PCNX1: variants seen among roughly 807,000 people sequenced by gnomAD.
The protein encoded by PCNX1 is pecanex-like protein 1.
Under a neutral mutation model 242.2 loss-of-function variants are expected in PCNX1, and 78 were observed. That is an observed-to-expected ratio of 0.32 (90% CI 0.27 to 0.39). The LOEUF is 0.39. Among genes scored for constraint, PCNX1 ranks in the 10% least tolerant of loss-of-function variants. The probability of loss-of-function intolerance (pLI) is 1.00; values close to 1 mark genes in which losing one functional copy is unlikely to be tolerated. For synonymous variants in PCNX1, 1,024 were observed against 1,032.9 expected (o/e 0.99, Z 0.17); for missense variants, 2,581 against 2,856.5 (o/e 0.90, Z 2.20).
intron 3 of PCNX1, among the ~76,000 whole-genome samples, chr14:70,963,479 A>C (rs2140488584): frequency 6.6e-6 from 1 of 152,338 alleles, no homozygotes; most frequent in East Asian, 1.9e-4. Flanking sequence ...AATAGCAGAT[A>C]TAATTCTGCC....
Position 71,009,636 on chromosome 14 carries a change from A to G in PCNX1, c.2632A>G (p.Lys878Glu). 6.5e-7 allele frequency: 1 copy of G among 1,529,034 alleles called. No individual in the cohort carries two copies. The highest frequency in any genetic ancestry group is 1.8e-5 in the Admixed American group (1 of 56,076). 94.7% of individuals were successfully genotyped at this position (1,529,034 alleles called of 1,614,324 possible). A position where few individuals can be genotyped will look rare whatever the true frequency, so the allele number is the denominator to read the frequency against. ...GGSSLHDELG[K>E]FSSTLYETGG... ...TAAAATAATCATTTATTTGCTAGGTAAGTTCTCTTCTACGCTGTATGAGAC... is the reference window on the plus strand; with the variant it reads ...TAAAATAATCATTTATTTGCTAGGTGAGTTCTCTTCTACGCTGTATGAGAC... The change falls in exon 9 of 36, where the codon AAG becomes GAG. Residue 878 changes from lysine to glutamate, a missense_variant and splice_region_variant. Lys to Glu is a moderately conservative substitution (Grantham distance 56). Coordinates refer to ENST00000304743, the MANE Select transcript of PCNX1 (RefSeq NM_014982.3).
intron 16 of PCNX1, among the ~76,000 whole-genome samples, chr14:71,030,198 A>T (rs1357546085): frequency 3.3e-5 from 5 of 152,134 alleles, no homozygotes; most frequent in Non-Finnish European, 7.3e-5. Flanking sequence ...TACCTTCCTC[A>T]GACTTACTAT....
chr14:70,939,284 C>T (rs924565612), intron 1 of PCNX1, among the ~76,000 whole-genome samples: 9 of 152,106 alleles, frequency 5.9e-5, no homozygotes, highest in African/African-American at 2.2e-4. Context: ...TATAAATTTC[C>T]CTCTACACAC....
At chr14:70,929,701 C>A (rs1486061093) in intron 1 of PCNX1, among the ~76,000 whole-genome samples, 1 of 152,168 alleles carries the variant, frequency 6.6e-6, no homozygotes, top group African/African-American at 2.4e-5. Context: ...TTCCTAGGAA[C>A]AGCATCATAC....
At chr14:70,936,237 C>T (rs987637359) in intron 1 of PCNX1, among the ~76,000 whole-genome samples, 19 of 152,010 alleles carry the variant, frequency 1.2e-4, no homozygotes, top group Non-Finnish European at 2.5e-4. Flanking sequence ...CCCATTAACT[C>T]GTCATTTACA....
At chr14:70,960,503 G>T (rs1032333977) in intron 2 of PCNX1, among the ~76,000 whole-genome samples, 3 of 152,074 alleles carry the variant, frequency 2.0e-5, no homozygotes, top group Non-Finnish European at 2.9e-5. Flanking sequence ...ATTAGGTATC[G>T]ATGGGACGTA....
In PCNX1 at chr14:71,006,103, CTGTGTGTGTGTGTGTGTGTGTGTG is replaced by C. The variant is rs60147260; in HGVS notation, c.2630-3487_2630-3464del. On this transcript the variant is annotated intron_variant, in intron 8 of 35. Coordinates refer to ENST00000304743, the MANE Select transcript of PCNX1 (RefSeq NM_014982.3). Reference sequence around the variant, plus strand: ...ACACCCAGCTAGTACGTGTGTGTGTCTGTGTGTGTGTGTGTGTGTGTGTGTGTGTGTGTGTGTGTGTGTGTGTGT... The same window carrying C: ...ACACCCAGCTAGTACGTGTGTGTGTCTGTGTGTGTGTGTGTGTGTGTGTGT... Among the ~76,000 whole-genome samples the C allele has an allele frequency of 8.5e-3, 969 of 114,232 alleles. 11 individuals are homozygous for C. The highest frequency in any genetic ancestry group is 0.017 in the African/African-American group (554 of 31,672). The allele number at this position is 114,232 out of a possible 152,430, so 74.9% of individuals were successfully genotyped here.
intron 12 of PCNX1, 86 bp from the exon 13 acceptor site, chr14:71,023,114 A>T: frequency 2.1e-6 from 2 of 967,618 alleles, no homozygotes; most frequent in Non-Finnish European, 3.4e-6. Flanking sequence ...ATTTACTTAA[A>T]ATCATTCATT....
chr14:71,016,540 A>G (rs1325588896), intron 11 of PCNX1, among the ~76,000 whole-genome samples: 1 of 152,232 alleles, frequency 6.6e-6, no homozygotes, highest in Non-Finnish European at 1.5e-5. Context: ...CCACTATCCA[A>G]TCATACATAG....
At chr14:70,968,553 A>G (rs1460669692) in intron 4 of PCNX1, among the ~76,000 whole-genome samples, 1 of 152,186 alleles carries the variant, frequency 6.6e-6, no homozygotes, top group African/African-American at 2.4e-5. Flanking sequence ...ATGGAAAACT[A>G]AGTAATTTGA....
At chr14:70,957,796 A>G (rs1205384771) in intron 2 of PCNX1, among the ~76,000 whole-genome samples, 1 of 151,086 alleles carries the variant, frequency 6.6e-6, no homozygotes, top group African/African-American at 2.5e-5. Flanking sequence ...TAAAGTTGAC[A>G]TATGTGTATG....
intron 8 of PCNX1, among the ~76,000 whole-genome samples, chr14:71,005,135 T>C (rs1250242239): frequency 6.6e-6 from 1 of 152,116 alleles, no homozygotes; most frequent in Non-Finnish European, 1.5e-5. Context: ...AAAAACACTA[T>C]GGATGATTTG....
intron 2 of PCNX1, among the ~76,000 whole-genome samples, chr14:70,956,962 A>G (rs1168887665): frequency 4.1e-5 from 6 of 147,762 alleles, no homozygotes; most frequent in Admixed American, 1.4e-4. Context: ...ACTGGATATA[A>G]TAAGTACTGA....
chr14:71,009,802 A>T (rs942702159), intron 9 of PCNX1, 78 bp downstream of exon 9: 2 of 771,946 alleles, frequency 2.6e-6, no homozygotes. Flanking sequence ...CTAGAACTAT[A>T]AAAGTTAATT....
chr14:70,982,605 C>T (rs1394595519), intron 6 of PCNX1, among the ~76,000 whole-genome samples: 1 of 152,154 alleles, frequency 6.6e-6, no homozygotes, highest in Admixed American at 6.5e-5. Flanking sequence ...TAAAACTGCA[C>T]AGAAGAATGC....
intron 2 of PCNX1, among the ~76,000 whole-genome samples, chr14:70,949,479 T>C (rs1298136497): frequency 1.3e-5 from 2 of 151,906 alleles, no homozygotes; most frequent in South Asian, 2.1e-4. Context: ...TGTATATATA[T>C]ACACACACAC....
chr14:70,987,198 CA>C (rs2059025283), intron 6 of PCNX1, among the ~76,000 whole-genome samples: 1 of 152,010 alleles, frequency 6.6e-6, no homozygotes, highest in Non-Finnish European at 1.5e-5. Flanking sequence ...GCTGTGGTCA[CA>C]AAAAGGCAAC....
At position 71,045,080 on chromosome 14, in the gene PCNX1, A is replaced by G. The variant is rs1309413895; in HGVS notation, c.3868-53A>G. 4 of 1,292,454 alleles carry G rather than the reference A, an allele frequency of 3.1e-6. No individual in the cohort carries two copies. The East Asian group carries it at 7.6e-5, about 25-fold the overall frequency. 80.1% of individuals were successfully genotyped at this position (1,292,454 alleles called of 1,614,324 possible). ...ATTGAACTGACAAATTAGAATTTCT[A>G]CAATGAGTCTCAAAATCACTCCTAA... On this transcript the variant is annotated intron_variant, in intron 19 of 35. Coordinates refer to ENST00000304743, the MANE Select transcript of PCNX1 (RefSeq NM_014982.3).
chr14:70,907,774 C>T lies in PCNX1; in HGVS notation c.-77C>T, dbSNP rs955649866. ...GGATAGACGGGGCAGCTGCAGGCTC[C>T]GGCGACCGAGGCCGAGCTGGGGCCG... On this transcript the variant is annotated 5_prime_UTR_variant, in exon 1 of 36. Transcript: ENST00000304743. The T allele has an allele frequency of 2.1e-4, 247 of 1,194,152 alleles. No homozygotes were observed. The highest frequency in any genetic ancestry group is 2.0e-4 in the Non-Finnish European group (194 of 964,666). 74.0% of individuals were successfully genotyped at this position (1,194,152 alleles called of 1,614,324 possible). A position where few individuals can be genotyped will look rare whatever the true frequency, so the allele number is the denominator to read the frequency against.
Sources: allele counts gnomAD v4.1 joint callset (sites outside exome capture counted in the v4.1 genomes callset), GRCh38; gene constraint gnomAD v4.1.1; transcripts MANE v1.5; gene names NCBI Gene and HGNC (gene_info 2026-07-23, HGNC 2026-07-21).